The following INPP4B variants were observed in gnomAD, a reference collection of about 807,000 sequenced individuals.
INPP4B encodes inositol polyphosphate 4-phosphatase type II.
INPP4B carries 55 observed loss-of-function variants against 122.5 expected under a neutral mutation model. The observed-to-expected ratio is 0.45, with a 90% CI of 0.36 to 0.56. INPP4B has a LOEUF of 0.56. Ranked by LOEUF, INPP4B falls within the 20% of genes least tolerant of loss-of-function variation. The pLI is 0.00. For missense variants in INPP4B, 1,000 were observed against 1,097.7 expected, an observed-to-expected ratio of 0.91 and a Z score of 1.26; for synonymous variants, 403 against 388.7, an observed-to-expected ratio of 1.04 and a Z score of -0.43.
intron 7 of INPP4B, among the ~76,000 whole-genome samples, chr4:142,395,627 T>C (rs924675303): frequency 6.6e-6 from 1 of 152,160 alleles, no homozygotes; most frequent in African/African-American, 2.4e-5. Flanking sequence ...TGCAGCACTA[T>C]TCACAATGGC....
chr4:142,237,631 G>A (rs1857240476), intron 12 of INPP4B, among the ~76,000 whole-genome samples: 1 of 151,740 alleles, frequency 6.6e-6, no homozygotes, highest in African/African-American at 2.4e-5. Flanking sequence ...GACAGTTCAG[G>A]TCTAGATTTC....
chr4:142,775,805 T>C (rs1773818514), intron 1 of INPP4B, among the ~76,000 whole-genome samples: 1 of 152,190 alleles, frequency 6.6e-6, no homozygotes, highest in Non-Finnish European at 1.5e-5. Context: ...GAAGGAAGCA[T>C]CTCATTTCTC....
chr4:142,806,940 A>G (rs774823682), intron 1 of INPP4B, among the ~76,000 whole-genome samples: 1 of 152,192 alleles, frequency 6.6e-6, no homozygotes, highest in Non-Finnish European at 1.5e-5. Flanking sequence ...GAGCAGCCTC[A>G]TTTCCAAGGA....
At chr4:142,238,866 C>T (rs1857853153) in intron 11 of INPP4B, among the ~76,000 whole-genome samples, 1 of 152,104 alleles carries the variant, frequency 6.6e-6, no homozygotes. Context: ...TGCTCTTCAG[C>T]AATGAATGCC....
intron 14 of INPP4B, chr4:142,202,614 G>C (rs1684279712): frequency 3.6e-6 from 1 of 274,632 alleles, no homozygotes; most frequent in South Asian, 1.4e-4. Context: ...AAAGGCCAAA[G>C]AGGTTAGCTG....
chr4:142,257,200 G>A (rs560923946), intron 11 of INPP4B, among the ~76,000 whole-genome samples: 19 of 152,030 alleles, frequency 1.2e-4, no homozygotes, highest in Non-Finnish European at 2.2e-4. Context: ...TTGACGGGAC[G>A]TATCTCAAAA....
intron 2 of INPP4B, among the ~76,000 whole-genome samples, chr4:142,663,524 T>C (rs570017690): frequency 1.3e-5 from 2 of 150,182 alleles, no homozygotes; most frequent in South Asian, 2.1e-4. Context: ...TAAGTTGACA[T>C]TGTAATGTAA....
At chr4:142,640,252 A>G (rs951139861) in intron 2 of INPP4B, among the ~76,000 whole-genome samples, 4 of 152,092 alleles carry the variant, frequency 2.6e-5, no homozygotes, top group African/African-American at 9.6e-5. Context: ...AATGCTCTTG[A>G]AAAAAAGGGA....
chr4:142,804,460 T>C (rs1257711912), intron 1 of INPP4B, among the ~76,000 whole-genome samples: 1 of 152,190 alleles, frequency 6.6e-6, no homozygotes, highest in Non-Finnish European at 1.5e-5. Context: ...GAATACTTCA[T>C]CTCCTCCTTC....
rs145702682 is a variant in INPP4B, at chr4:142,283,763, G to A, written c.504-12989C>T. Among the ~76,000 whole-genome samples, 11 of 152,110 alleles carry A rather than the reference G, an allele frequency of 7.2e-5. No homozygotes were observed. In the East Asian group the frequency reaches 1.7e-3, roughly 24 times the overall value. ...CCAAAACATCATTATGTGATGCATC[G>A]CATATAGGAATCATCAGAATACAGA... is the stretch of plus-strand genomic sequence containing the variant. On this transcript the variant is annotated intron_variant, in intron 9 of 25. Coordinates refer to ENST00000262992, the MANE Select transcript of INPP4B (RefSeq NM_001101669.3).
chr4:142,248,528 G>A (rs747577816), intron 11 of INPP4B, among the ~76,000 whole-genome samples: 22 of 151,746 alleles, frequency 1.4e-4, no homozygotes, highest in South Asian at 4.2e-4. Flanking sequence ...TAGTAGAGAC[G>A]GGGTTTCACC....
intron 2 of INPP4B, among the ~76,000 whole-genome samples, chr4:142,668,081 A>C (rs1468933291): frequency 5.3e-5 from 8 of 152,198 alleles, no homozygotes; most frequent in African/African-American, 1.9e-4. Flanking sequence ...AGTACAAAAA[A>C]GGAAAACTAC....
At chr4:142,114,570 G>A (rs899539231) in intron 21 of INPP4B, among the ~76,000 whole-genome samples, 2 of 151,996 alleles carry the variant, frequency 1.3e-5, no homozygotes, top group African/African-American at 4.8e-5. Flanking sequence ...CCTATTTGGT[G>A]AAACGGCTAT....
chr4:142,069,995 C>T (rs1331533257), intron 25 of INPP4B, among the ~76,000 whole-genome samples: 3 of 152,150 alleles, frequency 2.0e-5, no homozygotes, highest in African/African-American at 7.2e-5. Flanking sequence ...ATGAGGCCAG[C>T]ATCATCTTCA....
chr4:142,181,619 T>C (rs2152978399), intron 15 of INPP4B, among the ~76,000 whole-genome samples: 1 of 152,344 alleles, frequency 6.6e-6, no homozygotes, highest in East Asian at 1.9e-4. Context: ...CGATGCAGAA[T>C]AGTTTGCTTA....
intron 15 of INPP4B, among the ~76,000 whole-genome samples, chr4:142,187,397 G>A (rs1497139): frequency 0.65 from 98,295 of 151,934 alleles, 37,292 homozygotes; most frequent in Non-Finnish European, 0.83. Flanking sequence ...TATAGCCTAC[G>A]AGACTGACAT....
intron 3 of INPP4B, among the ~76,000 whole-genome samples, chr4:142,450,216 C>T (rs963574692): frequency 2.6e-5 from 4 of 152,166 alleles, no homozygotes; most frequent in African/African-American, 9.7e-5. Context: ...GACCAAAGTA[C>T]CTCTGGGGCT....
chr4:142,098,064 G>C (rs1225866877), intron 23 of INPP4B, among the ~76,000 whole-genome samples: 1 of 152,110 alleles, frequency 6.6e-6, no homozygotes, highest in Admixed American at 6.6e-5. Flanking sequence ...TTTAAAGAGG[G>C]TGTTTAAGAA....
intron 9 of INPP4B, among the ~76,000 whole-genome samples, chr4:142,287,826 T>C (rs1485905736): frequency 1.3e-5 from 2 of 152,170 alleles, no homozygotes; most frequent in East Asian, 3.9e-4. Context: ...CATAACAAAA[T>C]AGCATATAAA....
Sources: gnomAD v4.1 joint callset for allele counts (sites outside exome capture counted in the v4.1 genomes callset) on GRCh38, gnomAD v4.1.1 for gene constraint, MANE v1.5 for transcripts, NCBI Gene and HGNC (gene_info 2026-07-23, HGNC 2026-07-21) for gene names.